RFC5: variants seen among roughly 807,000 people sequenced by gnomAD.
RFC5 encodes replication factor C subunit 5.
Under a neutral mutation model 44.3 loss-of-function variants are expected in RFC5, and 26 were observed. That is an observed-to-expected ratio of 0.59 (90% CI 0.43 to 0.81). The LOEUF is 0.81. RFC5 is among the 40% of genes least tolerant of loss of function. The probability of loss-of-function intolerance (pLI) is 0.00; values close to 1 mark genes in which losing one functional copy is unlikely to be tolerated. For missense variants in RFC5, 328 were observed against 418.6 expected (o/e 0.78, Z 1.89); for synonymous variants, 155 against 155.2 (o/e 1.00, Z 0.01).
At position 118,025,740 on chromosome 12, in the gene RFC5, C is replaced by A; in HGVS notation, c.582-7C>A. Reference sequence around the variant, plus strand: ...CCTCATAAATCCCTTTTGCTTATTTCTTTCAGAGTTGATATAAGTGAAGAT... The same window carrying A: ...CCTCATAAATCCCTTTTGCTTATTTATTTCAGAGTTGATATAAGTGAAGAT... On this transcript the variant is annotated splice_polypyrimidine_tract_variant and splice_region_variant and intron_variant, in intron 6 of 10. Coordinates refer to ENST00000454402, the MANE Select transcript of RFC5 (RefSeq NM_007370.7). 1 of 1,584,508 alleles carries A rather than the reference C, an allele frequency of 6.3e-7. No homozygotes were observed. The highest frequency in any genetic ancestry group is 8.7e-7 in the Non-Finnish European group (1 of 1,154,522).
At chr12:118,017,830 C>T (rs1315174839) in intron 1 of RFC5, 7 of 676,834 alleles carry the variant, frequency 1.0e-5, no homozygotes, top group Middle Eastern at 2.3e-4. Flanking sequence ...GCTACCAAGC[C>T]CATCCTGTAA....
intron 1 of RFC5, 150 bp from the exon 2 acceptor site, chr12:118,018,922 C>T: frequency 1.7e-6 from 1 of 604,798 alleles, no homozygotes; most frequent in Non-Finnish European, 3.0e-6. Flanking sequence ...TGGTCTTGAA[C>T]TCCTGACCCC....
chr12:118,018,024 C>G (rs1293745737), intron 1 of RFC5: 1 of 701,948 alleles, frequency 1.4e-6, no homozygotes, highest in Non-Finnish European at 2.6e-6. Flanking sequence ...TGCTTTCTAT[C>G]TATGGATTTG....
chr12:118,033,264 A>G (rs780707023), downstream of RFC5: 15 of 152,558 alleles, frequency 9.8e-5, no homozygotes, highest in Non-Finnish European at 1.9e-4. Flanking sequence ...AACAGCAGAG[A>G]CAGATCTCGT....
intron 5 of RFC5, 136 bp from the exon 6 acceptor site, chr12:118,024,715 G>A (rs530913526): frequency 5.5e-5 from 40 of 729,024 alleles, no homozygotes; most frequent in Non-Finnish European, 7.3e-5. Flanking sequence ...CACTACGCCC[G>A]GCCAACATCC....
downstream of RFC5, chr12:118,035,378 C>T (rs1244823612): frequency 2.0e-6 from 3 of 1,518,582 alleles, no homozygotes; most frequent in African/African-American, 2.7e-5. Context: ...GCTCTCCACC[C>T]TCCATCATCA....
chr12:118,028,483 CA>C (rs768496355), intron 9 of RFC5, among the ~76,000 whole-genome samples: 31 of 125,504 alleles, frequency 2.5e-4, no homozygotes, highest in Non-Finnish European at 3.2e-4. Context: ...GAGTTTGTCT[CA>C]AAAAAAAAAA....
downstream of RFC5, chr12:118,038,057 G>C: frequency 2.5e-6 from 1 of 396,566 alleles, no homozygotes; most frequent in Non-Finnish European, 4.5e-6. Context: ...ATTTTATAAA[G>C]GGAAACAGCC....
At chr12:118,028,223 C>A (rs1439400760) in intron 9 of RFC5, among the ~76,000 whole-genome samples, 193 bp downstream of exon 9, 1 of 152,166 alleles carries the variant, frequency 6.6e-6, no homozygotes, top group Non-Finnish European at 1.5e-5. Flanking sequence ...GTGGCTCAAG[C>A]CTGTAATCCT....
intron 9 of RFC5, among the ~76,000 whole-genome samples, 196 bp downstream of exon 9, chr12:118,028,226 G>A (rs750534626): frequency 7.9e-5 from 12 of 152,200 alleles, no homozygotes; most frequent in Non-Finnish European, 1.8e-4. Flanking sequence ...GCTCAAGCCT[G>A]TAATCCTAGC....
downstream of RFC5, chr12:118,037,933 T>G: frequency 5.5e-6 from 1 of 181,544 alleles, no homozygotes; most frequent in Admixed American, 5.8e-5. Flanking sequence ...GAAATCCGAA[T>G]TAGAGGGATT....
rs748990326 is a variant in RFC5, at chr12:118,026,913, G to A, written c.688G>A (p.Val230Met). 1.9e-5 allele frequency: 30 copies of A among 1,613,880 alleles called. No individual in the cohort carries two copies. Among genetic ancestry groups the A allele is most frequent in the African/African-American group, 6.7e-5 (5 of 74,924 alleles). Reference protein sequence around the residue: ...LQSTNMAFGKVTEETVYTCTG... With the variant: ...LQSTNMAFGKMTEETVYTCTG... ...GAGCACCAATATGGCCTTTGGGAAG[G>A]TGACAGAGGAGACTGTCTACACCTG... The change falls in exon 8 of 11, where the codon GTG (valine) becomes ATG (methionine). Residue 230 changes from valine to methionine, a missense_variant. Coordinates refer to ENST00000454402, the MANE Select transcript of RFC5 (RefSeq NM_007370.7).
rs1401910176 is a variant in RFC5 at position 118,017,960 on chromosome 12, A to G, written c.65+1068A>G. 4.5e-5 allele frequency: 31 copies of G among 691,042 alleles called. No individual in the cohort carries two copies. The Middle Eastern group carries it at 9.3e-4, about 21-fold the overall frequency. 42.8% of individuals were successfully genotyped at this position (691,042 alleles called of 1,614,324 possible). On this transcript the variant is annotated intron_variant, in intron 1 of 10. Transcript: ENST00000454402. ...CACCCCAAATGGAAATCCTTTACCCATTGACAGTTACTCCCCATTCTCCCC... is the reference window on the plus strand; with the variant it reads ...CACCCCAAATGGAAATCCTTTACCCGTTGACAGTTACTCCCCATTCTCCCC...
chr12:118,024,309 C>A (rs965867570), intron 5 of RFC5, among the ~76,000 whole-genome samples: 4 of 151,050 alleles, frequency 2.6e-5, no homozygotes, highest in Non-Finnish European at 5.9e-5. Context: ...CCATTGCACT[C>A]CAGCCTGGGC....
At chr12:118,036,627 T>C, downstream of RFC5, 3 of 1,095,888 alleles carry the variant, frequency 2.7e-6, no homozygotes, top group Non-Finnish European at 3.9e-6. Flanking sequence ...GCTGATTCTC[T>C]ATCCCTTTTC....
chr12:118,038,470 A>C, the RFC5 span: 1 of 1,314,094 alleles, frequency 7.6e-7, no homozygotes, highest in Non-Finnish European at 1.1e-6. Flanking sequence ...GGGTGGTAAC[A>C]GCCCCCAGCC....
At chr12:118,020,882 T>TA (rs776521264) in intron 3 of RFC5, 24 bp from the exon 4 acceptor site, 1 of 1,549,830 alleles carries the variant, frequency 6.5e-7, no homozygotes, top group Admixed American at 1.7e-5. Flanking sequence ...GGTTTTTGTT[T>TA]TGTCTTCTGT....
At chr12:118,028,830 G>A (rs770580003) in intron 9 of RFC5, among the ~76,000 whole-genome samples, 5 of 152,200 alleles carry the variant, frequency 3.3e-5, no homozygotes, top group Non-Finnish European at 5.9e-5. Flanking sequence ...GGGCACTCCA[G>A]ACAAATTAAG....
chr12:118,036,995 A>C (rs2031526012), downstream of RFC5, among the ~76,000 whole-genome samples: 2 of 152,322 alleles, frequency 1.3e-5, no homozygotes, highest in Admixed American at 1.3e-4. Context: ...CAGCTTGGTC[A>C]ACATGGCAAA....
Sources: allele counts gnomAD v4.1 joint callset (sites outside exome capture counted in the v4.1 genomes callset), GRCh38; gene constraint gnomAD v4.1.1; transcripts MANE v1.5; gene names NCBI Gene and HGNC (gene_info 2026-07-23, HGNC 2026-07-21).